SGCZ: variants seen among roughly 807,000 people sequenced by gnomAD.
SGCZ encodes the protein zeta-sarcoglycan.
A neutral mutation model predicts 41.3 loss-of-function variants in SGCZ; 40 were observed. The observed-to-expected ratio is 0.97, with a 90% CI of 0.75 to 1.26. The LOEUF (loss-of-function observed/expected upper bound fraction) is 1.26, where lower values mean the gene tolerates loss of function less well. Among genes scored for constraint, SGCZ ranks in the 50% most tolerant of loss-of-function variants. The pLI, the probability that SGCZ is intolerant of heterozygous loss-of-function variation, is 0.00. For synonymous variants in SGCZ, 206 were observed against 137.5 expected (o/e 1.50, Z -3.49); for missense variants, 552 against 369.8 (o/e 1.49, Z -4.04).
chr8:14,707,442 T>A (rs1809369030), intron 1 of SGCZ, among the ~76,000 whole-genome samples: 1 of 152,056 alleles, frequency 6.6e-6, no homozygotes, highest in East Asian at 1.9e-4. Flanking sequence ...GGAGAAAGAA[T>A]AGCAAAACCA....
At chr8:14,931,890 C>G (rs889142994) in intron 1 of SGCZ, among the ~76,000 whole-genome samples, 1 of 151,746 alleles carries the variant, frequency 6.6e-6, no homozygotes, top group African/African-American at 2.4e-5. Context: ...ACTGTGAATC[C>G]ACCTGAAACA....
intron 1 of SGCZ, among the ~76,000 whole-genome samples, chr8:14,717,202 G>C (rs1420970889): frequency 6.6e-6 from 1 of 151,930 alleles, no homozygotes; most frequent in East Asian, 1.9e-4. Context: ...AGCTTAGTAT[G>C]AAACATTCAA....
At chr8:15,134,287 C>A (rs1374595629) in intron 1 of SGCZ, among the ~76,000 whole-genome samples, 1 of 143,232 alleles carries the variant, frequency 7.0e-6, no homozygotes, top group African/African-American at 2.5e-5. Flanking sequence ...TGTAAATATA[C>A]AATAGGAGCA....
chr8:15,196,508 T>A (rs1800735993), intron 1 of SGCZ, among the ~76,000 whole-genome samples: 1 of 152,186 alleles, frequency 6.6e-6, no homozygotes, highest in African/African-American at 2.4e-5. Context: ...TTATACTCCA[T>A]TAGGTTAAAA....
chr8:14,702,524 C>CACATGAAT (rs1341554936), intron 1 of SGCZ, among the ~76,000 whole-genome samples: 1 of 151,830 alleles, frequency 6.6e-6, no homozygotes, highest in Non-Finnish European at 1.5e-5. Context: ...ATGATACTTC[C>CACATGAAT]ACATGAATAA....
chr8:14,558,771 T>C (rs528214924), intron 1 of SGCZ, among the ~76,000 whole-genome samples: 1 of 152,072 alleles, frequency 6.6e-6, no homozygotes, highest in African/African-American at 2.4e-5. Context: ...CAATAGTATA[T>C]CAAAAAGATA....
At chr8:14,256,793 C>T (rs144634927) in intron 3 of SGCZ, among the ~76,000 whole-genome samples, 13 of 152,206 alleles carry the variant, frequency 8.5e-5, no homozygotes, top group South Asian at 4.1e-4. Context: ...ATCAACTTTC[C>T]GGGTTCACAG....
chr8:14,713,621 T>C (rs900377801), intron 1 of SGCZ, among the ~76,000 whole-genome samples: 13 of 143,554 alleles, frequency 9.1e-5, no homozygotes, highest in South Asian at 2.2e-4. Context: ...CTTTGGAAAA[T>C]AGAATTGATC....
chr8:14,934,484 G>A (rs1800020616), intron 1 of SGCZ, among the ~76,000 whole-genome samples: 1 of 151,758 alleles, frequency 6.6e-6, no homozygotes, highest in Non-Finnish European at 1.5e-5. Context: ...ATTTTACAAA[G>A]GAGATTAGCC....
At chr8:14,988,054 A>G (rs1365056401) in intron 1 of SGCZ, among the ~76,000 whole-genome samples, 1 of 152,026 alleles carries the variant, frequency 6.6e-6, no homozygotes, top group African/African-American at 2.4e-5. Context: ...TGTTTAAGGT[A>G]TAACCAGATA....
chr8:14,320,271 C>T (rs1801872888), intron 3 of SGCZ, among the ~76,000 whole-genome samples: 1 of 151,392 alleles, frequency 6.6e-6, no homozygotes, highest in South Asian at 2.1e-4. Flanking sequence ...TGAAAGCCTT[C>T]AGATATCTAT....
At chr8:14,165,541 C>G (rs779398049) in intron 4 of SGCZ, among the ~76,000 whole-genome samples, 4 of 152,180 alleles carry the variant, frequency 2.6e-5, no homozygotes, top group South Asian at 2.1e-4. Flanking sequence ...TTCATCTTCC[C>G]ATAATTCATA....
At chr8:14,203,875 TA>T (rs1805534196) in intron 4 of SGCZ, among the ~76,000 whole-genome samples, 1 of 151,982 alleles carries the variant, frequency 6.6e-6, no homozygotes, top group Non-Finnish European at 1.5e-5. Flanking sequence ...AAGAATTATC[TA>T]GGAAAGGAAT....
intron 4 of SGCZ, among the ~76,000 whole-genome samples, chr8:14,222,617 A>AT (rs558893921): frequency 2.0e-5 from 3 of 151,846 alleles, no homozygotes; most frequent in South Asian, 2.1e-4. Flanking sequence ...CTTCTAACAG[A>AT]TTTTTTTTCC....
intron 2 of SGCZ, among the ~76,000 whole-genome samples, chr8:14,485,713 A>G (rs1309577751): frequency 1.3e-5 from 2 of 152,132 alleles, no homozygotes; most frequent in African/African-American, 4.8e-5. Context: ...CCAGTAATCT[A>G]ATTGGTCTAT....
chr8:15,008,090 T>A (rs1802671955), intron 1 of SGCZ, among the ~76,000 whole-genome samples: 1 of 152,208 alleles, frequency 6.6e-6, no homozygotes, highest in Non-Finnish European at 1.5e-5. Context: ...GTAAAAGATC[T>A]TTAGTCTAAG....
intron 4 of SGCZ, among the ~76,000 whole-genome samples, chr8:14,178,344 G>T (rs1804617846): frequency 6.6e-6 from 1 of 152,244 alleles, no homozygotes; most frequent in Non-Finnish European, 1.5e-5. Flanking sequence ...AGTAAAAGAG[G>T]TTTTTAGAAT....
chr8:15,051,153 C>T (rs116545145), intron 1 of SGCZ, among the ~76,000 whole-genome samples: 1,558 of 152,228 alleles, frequency 0.01, 32 homozygotes, highest in African/African-American at 0.036. Flanking sequence ...AATTCAAAGA[C>T]TTCTTCAGAT....
At chr8:14,194,484 C>A (rs371522407) in intron 4 of SGCZ, among the ~76,000 whole-genome samples, 14 of 151,854 alleles carry the variant, frequency 9.2e-5, no homozygotes, top group African/African-American at 3.1e-4. Context: ...TGTGGTCATA[C>A]TTTGCTTGAG....
Sources: allele counts gnomAD v4.1 joint callset (sites outside exome capture counted in the v4.1 genomes callset), GRCh38; gene constraint gnomAD v4.1.1; transcripts MANE v1.5; gene names NCBI Gene and HGNC (gene_info 2026-07-23, HGNC 2026-07-21).